Variants in THSD4 observed in about 807,000 individuals in gnomAD.
THSD4 encodes the protein thrombospondin type 1 domain containing 4, also known as thrombospondin type-1 domain-containing protein 4.
Under a neutral mutation model 119.0 loss-of-function variants are expected in THSD4, and 69 were observed. The observed-to-expected ratio is 0.58, with a 90% confidence interval of 0.48 to 0.71. THSD4 has a LOEUF of 0.71. Among genes scored for constraint, THSD4 ranks in the 30% least tolerant of loss-of-function variants. The probability of loss-of-function intolerance (pLI) is 0.00; values close to 1 mark genes in which losing one functional copy is unlikely to be tolerated. For synonymous variants in THSD4, 524 were observed against 540.4 expected, an observed-to-expected ratio of 0.97 and a Z score of 0.42; for missense variants, 1,393 against 1,391.1, an observed-to-expected ratio of 1.00 and a Z score of -0.02.
intron 6 of THSD4, among the ~76,000 whole-genome samples, chr15:71,265,165 G>A (rs1350629515): frequency 6.6e-6 from 1 of 152,064 alleles, no homozygotes; most frequent in Non-Finnish European, 1.5e-5. Context: ...TGGCTGGCAA[G>A]ATGGTCAAGT....
intron 7 of THSD4, among the ~76,000 whole-genome samples, chr15:71,489,825 AT>A (rs60388807): frequency 0.17 from 25,139 of 151,860 alleles, 2,701 homozygotes; most frequent in African/African-American, 0.31. Context: ...CATTTTAAAC[AT>A]TTTTTTTTTT....
chr15:71,236,117 A>G (rs2044103189), intron 4 of THSD4, among the ~76,000 whole-genome samples: 1 of 152,184 alleles, frequency 6.6e-6, no homozygotes, highest in Non-Finnish European at 1.5e-5. Context: ...ATGTTAGCAC[A>G]GCTGAGAGAG....
At chr15:71,239,499 C>T (rs2044134783) in intron 4 of THSD4, among the ~76,000 whole-genome samples, 1 of 152,140 alleles carries the variant, frequency 6.6e-6, no homozygotes, top group African/African-American at 2.4e-5. Flanking sequence ...ATGTCGTGAA[C>T]CACTAGCCTA....
At chr15:71,499,458 G>T (rs34005518) in intron 7 of THSD4, among the ~76,000 whole-genome samples, 4 of 150,066 alleles carry the variant, frequency 2.7e-5, no homozygotes, top group Non-Finnish European at 5.9e-5. Flanking sequence ...CCATGTTTAG[G>T]TATCTTAGGT....
intron 3 of THSD4, among the ~76,000 whole-genome samples, chr15:71,164,468 C>T (rs2141393430): frequency 6.6e-6 from 1 of 150,726 alleles, no homozygotes; most frequent in Non-Finnish European, 1.5e-5. Flanking sequence ...AAAAAACTAC[C>T]ATCCCCATAT....
intron 3 of THSD4, among the ~76,000 whole-genome samples, chr15:71,155,824 A>G (rs995689793): frequency 6.6e-6 from 1 of 152,102 alleles, no homozygotes; most frequent in Non-Finnish European, 1.5e-5. Flanking sequence ...ACTGGAAGAT[A>G]AGAACCTGGC....
chr15:71,535,904 A>G (rs893970048), intron 7 of THSD4, among the ~76,000 whole-genome samples: 16 of 152,260 alleles, frequency 1.1e-4, no homozygotes, highest in South Asian at 8.3e-4. Flanking sequence ...TGATGGTATC[A>G]TTAGCAGCAC....
intron 7 of THSD4, among the ~76,000 whole-genome samples, chr15:71,477,500 T>G (rs946707287): frequency 5.9e-5 from 9 of 152,190 alleles, no homozygotes; most frequent in African/African-American, 2.2e-4. Flanking sequence ...TGAAAGTTAC[T>G]GGAGTGGGAT....
chr15:71,751,282 A>G (rs1003358643), intron 14 of THSD4, among the ~76,000 whole-genome samples: 2 of 152,194 alleles, frequency 1.3e-5, no homozygotes, highest in Non-Finnish European at 1.5e-5. Context: ...TCATTTTTAT[A>G]TTGGAATGAT....
rs1254681141 is a variant in THSD4 at position 71,174,207 on chromosome 15, G to A, written c.99+19275G>A. Among the ~76,000 whole-genome samples the A allele has an allele frequency of 3.3e-5, 5 of 152,276 alleles. No individual in the cohort carries two copies. The South Asian group carries it at 6.2e-4, about 19-fold the overall frequency. ...TCCCAGCGTGAGCGACGCAGAAGAC[G>A]GGTGATTTCTGCATTTCCATCTGAG... On this transcript the variant is annotated intron_variant, in intron 3 of 17. Coordinates refer to ENST00000261862, the MANE Select transcript of THSD4 (RefSeq NM_024817.3).
At chr15:71,655,445 T>C (rs1431175935) in intron 7 of THSD4, among the ~76,000 whole-genome samples, 2 of 152,184 alleles carry the variant, frequency 1.3e-5, no homozygotes, top group Non-Finnish European at 2.9e-5. Context: ...TACGGGTGGG[T>C]CCGGGTGGTT....
intron 7 of THSD4, among the ~76,000 whole-genome samples, chr15:71,590,745 T>A (rs1274540175): frequency 6.6e-6 from 1 of 152,080 alleles, no homozygotes; most frequent in Non-Finnish European, 1.5e-5. Flanking sequence ...GGCTCACGCC[T>A]GTAATCCCAG....
intron 3 of THSD4, among the ~76,000 whole-genome samples, chr15:71,173,219 T>C (rs1032759707): frequency 3.9e-5 from 6 of 152,086 alleles, no homozygotes; most frequent in African/African-American, 1.2e-4. Context: ...TGCATTTCTA[T>C]ACACTGAAAA....
chr15:71,341,581 G>T, intron 6 of THSD4: 3 of 1,604,780 alleles, frequency 1.9e-6, no homozygotes, highest in Non-Finnish European at 2.6e-6. Flanking sequence ...GATACTTCGT[G>T]GCTTTTCGTA....
chr15:71,743,906 T>C (rs2053282875), intron 11 of THSD4, among the ~76,000 whole-genome samples: 1 of 152,222 alleles, frequency 6.6e-6, no homozygotes, highest in Non-Finnish European at 1.5e-5. Flanking sequence ...TCAGAAAATA[T>C]GAATGCCTGG....
At chr15:71,389,455 A>G (rs2046341766) in intron 6 of THSD4, among the ~76,000 whole-genome samples, 1 of 138,188 alleles carries the variant, frequency 7.2e-6, no homozygotes, top group Non-Finnish European at 1.6e-5. Context: ...AGCACGTGTC[A>G]GAATTTCCTC....
chr15:71,275,635 C>G (rs985377437), intron 6 of THSD4, among the ~76,000 whole-genome samples: 1 of 152,202 alleles, frequency 6.6e-6, no homozygotes, highest in African/African-American at 2.4e-5. Context: ...TGGCTTGGCT[C>G]TGTGTTCCCA....
At chr15:71,368,483 A>G (rs1357292887) in intron 6 of THSD4, among the ~76,000 whole-genome samples, 4 of 152,234 alleles carry the variant, frequency 2.6e-5, no homozygotes, top group South Asian at 2.1e-4. Flanking sequence ...GAAGGGATCC[A>G]GTTTCAGCTT....
intron 9 of THSD4, chr15:71,729,709 A>G (rs2052935134): frequency 2.0e-5 from 3 of 152,084 alleles, no homozygotes; most frequent in Non-Finnish European, 2.9e-5. Flanking sequence ...TTAAAGGCCT[A>G]CTGTGGGTGG....
Sources: allele counts gnomAD v4.1 joint callset (sites outside exome capture counted in the v4.1 genomes callset), GRCh38; gene constraint gnomAD v4.1.1; transcripts MANE v1.5; gene names NCBI Gene and HGNC (gene_info 2026-07-23, HGNC 2026-07-21).